CNOT2: variants seen among roughly 807,000 people sequenced by gnomAD.
The protein encoded by CNOT2 is CC chemokine receptor 4-negative regulator of transcription 2.
A neutral mutation model predicts 72.1 loss-of-function variants in CNOT2; 7 were observed. The observed-to-expected ratio is 0.10, with a 90% CI of 0.06 to 0.18. The LOEUF (loss-of-function observed/expected upper bound fraction) is 0.18, where lower values mean the gene tolerates loss of function less well. CNOT2 is among the 10% of genes least tolerant of loss of function. The pLI is 1.00. For missense variants in CNOT2, 345 were observed against 660.3 expected (o/e 0.52, Z 5.23); for synonymous variants, 196 against 225.6 (o/e 0.87, Z 1.17).
intron 1 of CNOT2, chr12:70,243,927 C>A (rs570838865): frequency 6.6e-5 from 10 of 152,258 alleles, no homozygotes; most frequent in African/African-American, 2.4e-4. Flanking sequence ...TGGCCGTGGC[C>A]GACGAGCTCG....
chr12:70,296,674 G>T (rs1872846825), intron 2 of CNOT2, among the ~76,000 whole-genome samples: 1 of 149,052 alleles, frequency 6.7e-6, no homozygotes, highest in South Asian at 2.1e-4. Context: ...TTTTGGTAAA[G>T]ATTTCCAGGT....
At chr12:70,280,371 A>G (rs1442657574) in intron 2 of CNOT2, among the ~76,000 whole-genome samples, 3 of 152,178 alleles carry the variant, frequency 2.0e-5, no homozygotes, top group African/African-American at 7.2e-5. Context: ...ATAATTAACA[A>G]GAAGGTATTG....
At chr12:70,332,167 G>A (rs954006365) in intron 6 of CNOT2, among the ~76,000 whole-genome samples, 1 of 151,540 alleles carries the variant, frequency 6.6e-6, no homozygotes, top group East Asian at 1.9e-4. Flanking sequence ...ATTTTAAAAC[G>A]CACCATTCAA....
intron 2 of CNOT2, among the ~76,000 whole-genome samples, chr12:70,280,654 C>T (rs1209233505): frequency 6.6e-6 from 1 of 152,146 alleles, no homozygotes; most frequent in Non-Finnish European, 1.5e-5. Context: ...ATCCAGGTCT[C>T]ATTTCCTTAC....
In CNOT2 at chr12:70,293,914, CTTTTTTTTTTT is replaced by C. The variant is rs34038348; in HGVS notation, c.48+15656_48+15666del. Among the ~76,000 whole-genome samples, 4 of 71,342 alleles carry C rather than the reference CTTTTTTTTTTT, an allele frequency of 5.6e-5. No homozygotes were observed. In the East Asian group the frequency reaches 2.4e-3, roughly 44 times the overall value. 46.8% of individuals were successfully genotyped at this position (71,342 alleles called of 152,430 possible). On this transcript the variant is annotated intron_variant, in intron 2 of 15. Coordinates refer to ENST00000229195, the MANE Select transcript of CNOT2 (RefSeq NM_014515.7). The stretch of plus-strand genomic sequence containing the variant: ...GTGTGCAAGTTTGTGGTGAGCACTG[CTTTTTTTTTTT>C]TTTTTTTTTTTTTTTAAACTTAGTA...
rs749430213 is a variant in CNOT2 at position 70,332,762 on chromosome 12, C to T, written c.570-5C>T. 6.3e-7 allele frequency: 1 copy of T among 1,597,456 alleles called. No homozygotes were observed. Among genetic ancestry groups the T allele is most frequent in the Non-Finnish European group, 8.5e-7 (1 of 1,173,068 alleles). ...TATATCTAAAACTATTTTCTATGTA[C>T]CCAGTATGTCTGGATTTGGAATGAA... On this transcript the variant is annotated splice_region_variant and splice_polypyrimidine_tract_variant and intron_variant, in intron 6 of 15. Transcript: ENST00000229195.
Position 70,346,340 on chromosome 12 carries a change from T to C in CNOT2, c.1536+16T>C, listed in dbSNP as rs774909432. 1 of 1,599,854 alleles carries C rather than the reference T, an allele frequency of 6.3e-7. No homozygotes were observed. The highest frequency in any genetic ancestry group is 8.6e-7 in the Non-Finnish European group (1 of 1,167,662). On this transcript the variant is annotated intron_variant, in intron 15 of 15. Transcript: ENST00000229195. Reference sequence around the variant, plus strand: ...AGTAGCTAAGGTATATTTCTTTCCATGTGCAAATGTATAAATCTAAACTTG... The same window carrying C: ...AGTAGCTAAGGTATATTTCTTTCCACGTGCAAATGTATAAATCTAAACTTG...
intron 3 of CNOT2, among the ~76,000 whole-genome samples, chr12:70,315,523 C>A (rs930457512): frequency 1.3e-5 from 2 of 151,988 alleles, no homozygotes; most frequent in Non-Finnish European, 2.9e-5. Flanking sequence ...CTGTCATGGT[C>A]ATGGAATTTT....
intron 2 of CNOT2, among the ~76,000 whole-genome samples, chr12:70,288,365 T>TC: frequency 1.3e-5 from 2 of 152,192 alleles, no homozygotes; most frequent in South Asian, 4.2e-4. Context: ...CAGGCTGGTC[T>TC]CCAACTCCTG....
chr12:70,345,040 T>A (rs1182483866), intron 14 of CNOT2: 1 of 152,212 alleles, frequency 6.6e-6, no homozygotes. Flanking sequence ...TTCATTGATA[T>A]TTTTTCCCTG....
At chr12:70,305,873 G>GT (rs11412509) in intron 2 of CNOT2, among the ~76,000 whole-genome samples, 38,847 of 60,434 alleles carry the variant, frequency 0.64, 13,136 homozygotes, top group Non-Finnish European at 0.69. Flanking sequence ...TCTGAAGTTT[G>GT]TTTTTTTTTT....
intron 5 of CNOT2, 49 bp from the exon 6 acceptor site, chr12:70,330,238 A>T: frequency 1.2e-6 from 1 of 845,406 alleles, no homozygotes; most frequent in Non-Finnish European, 1.8e-6. Context: ...AGAGAATTTT[A>T]ATGAGTGATT....
chr12:70,312,642 A>G (rs1876666364), intron 3 of CNOT2, among the ~76,000 whole-genome samples: 1 of 151,972 alleles, frequency 6.6e-6, no homozygotes, highest in Non-Finnish European at 1.5e-5. Context: ...TTAAAAAAAC[A>G]TTAATTAAGA....
rs1593275081 is a variant in CNOT2, at chr12:70,340,599, C to T, written c.1179-1508C>T. Among the ~76,000 whole-genome samples the T allele has an allele frequency of 3.3e-5, 5 of 152,186 alleles. No homozygotes were observed. The South Asian group carries it at 8.3e-4, about 25-fold the overall frequency. On this transcript the variant is annotated intron_variant, in intron 11 of 15. Transcript: ENST00000229195. ...TAACTCTGTACTTCCAGAAACTTGG[C>T]ATTATTCTTAACTCCTCTTTCTTTT...
chr12:70,304,286 T>C (rs1200617035), intron 2 of CNOT2, among the ~76,000 whole-genome samples: 1 of 152,222 alleles, frequency 6.6e-6, no homozygotes, highest in African/African-American at 2.4e-5. Flanking sequence ...CTCTGCTTTT[T>C]AGAGTTTCCA....
At chr12:70,341,377 G>A (rs1277389147) in intron 11 of CNOT2, among the ~76,000 whole-genome samples, 1 of 152,078 alleles carries the variant, frequency 6.6e-6, no homozygotes, top group Non-Finnish European at 1.5e-5. Context: ...AGAGTCTTCT[G>A]CCAGATAATT....
chr12:70,268,348 C>A (rs897542316), intron 1 of CNOT2, among the ~76,000 whole-genome samples: 1 of 152,146 alleles, frequency 6.6e-6, no homozygotes, highest in African/African-American at 2.4e-5. Flanking sequence ...TTGATACTTT[C>A]TCTTGTCTCT....
intron 1 of CNOT2, among the ~76,000 whole-genome samples, chr12:70,256,518 C>A (rs1958448146): frequency 7.0e-6 from 1 of 142,176 alleles, no homozygotes; most frequent in South Asian, 2.2e-4. Flanking sequence ...GTGTTATTTA[C>A]TGGTTTTTAA....
intron 1 of CNOT2, among the ~76,000 whole-genome samples, chr12:70,276,256 G>T (rs535203521): frequency 1.3e-4 from 20 of 152,018 alleles, no homozygotes; most frequent in African/African-American, 4.6e-4. Flanking sequence ...TTGTATTAAA[G>T]ATGTATACAG....
Sources: allele counts gnomAD v4.1 joint callset (sites outside exome capture counted in the v4.1 genomes callset), GRCh38; gene constraint gnomAD v4.1.1; transcripts MANE v1.5; gene names NCBI Gene and HGNC (gene_info 2026-07-23, HGNC 2026-07-21).